Variants in RIMS2 observed in about 807,000 individuals in gnomAD.
RIMS2 encodes the protein regulating synaptic membrane exocytosis 2.
Under a neutral mutation model 174.4 loss-of-function variants are expected in RIMS2, and 59 were observed. The ratio of observed to expected loss-of-function variants is 0.34; its 90% confidence interval spans 0.27 to 0.42. RIMS2 has a LOEUF of 0.42. RIMS2 is among the 10% of genes least tolerant of loss of function. RIMS2 has a pLI of 1.00. For missense variants in RIMS2, 1,620 were observed against 1,666.3 expected (o/e 0.97, Z 0.48); for synonymous variants, 606 against 572.5 (o/e 1.06, Z -0.84).
intron 1 of RIMS2, among the ~76,000 whole-genome samples, chr8:103,660,544 G>A (rs1172066468): frequency 6.6e-6 from 1 of 152,126 alleles, no homozygotes; most frequent in African/African-American, 2.4e-5. Context: ...ATGAAATCAG[G>A]GGGCTGTATA....
At chr8:104,170,231 C>T (rs1433956314) in intron 19 of RIMS2, among the ~76,000 whole-genome samples, 1 of 151,840 alleles carries the variant, frequency 6.6e-6, no homozygotes, top group Non-Finnish European at 1.5e-5. Flanking sequence ...GTTGACTTTC[C>T]GTCTTGAGGA....
chr8:103,856,500 G>A (rs946162731), intron 3 of RIMS2, among the ~76,000 whole-genome samples: 2 of 152,196 alleles, frequency 1.3e-5, no homozygotes, highest in Admixed American at 1.3e-4. Context: ...AAGCTGTCTT[G>A]TCTGCTACAC....
chr8:103,845,935 A>G (rs188151419), intron 3 of RIMS2, among the ~76,000 whole-genome samples: 7 of 152,304 alleles, frequency 4.6e-5, no homozygotes, highest in African/African-American at 7.2e-5. Flanking sequence ...AAGGATCTCT[A>G]TTCTTGAAGA....
chr8:103,770,771 A>C (rs912362925), intron 3 of RIMS2, among the ~76,000 whole-genome samples: 12 of 151,836 alleles, frequency 7.9e-5, no homozygotes, highest in Non-Finnish European at 7.4e-5. Flanking sequence ...GCCAGCTTCT[A>C]TCCTTCTCTT....
At chr8:103,639,922 A>C (rs1314004654) in intron 1 of RIMS2, among the ~76,000 whole-genome samples, 3 of 151,944 alleles carry the variant, frequency 2.0e-5, no homozygotes, top group Non-Finnish European at 4.4e-5. Context: ...TATAGATCAA[A>C]TCATAAGAAC....
intron 1 of RIMS2, among the ~76,000 whole-genome samples, chr8:103,579,466 G>A (rs992380644): frequency 6.6e-6 from 1 of 152,190 alleles, no homozygotes; most frequent in Non-Finnish European, 1.5e-5. Context: ...TTAGTATGAA[G>A]CTCAAAAGAC....
intron 1 of RIMS2, among the ~76,000 whole-genome samples, chr8:103,524,939 A>G (rs1833277911): frequency 6.6e-6 from 1 of 152,154 alleles, no homozygotes; most frequent in Non-Finnish European, 1.5e-5. Flanking sequence ...AAAATGATCT[A>G]CCTTCTTCTG....
intron 3 of RIMS2, among the ~76,000 whole-genome samples, chr8:103,873,190 C>A (rs765403863): frequency 2.0e-5 from 3 of 152,096 alleles, no homozygotes; most frequent in Non-Finnish European, 4.4e-5. Flanking sequence ...TTCCTCCTAT[C>A]CCTCTTCTAT....
At chr8:103,683,586 A>G (rs939805881) in intron 1 of RIMS2, among the ~76,000 whole-genome samples, 3 of 152,168 alleles carry the variant, frequency 2.0e-5, no homozygotes, top group Non-Finnish European at 4.4e-5. Flanking sequence ...AACTGAAACA[A>G]TATTGCTCTT....
chr8:103,992,484 A>G (rs981862024), intron 17 of RIMS2, among the ~76,000 whole-genome samples: 1 of 151,806 alleles, frequency 6.6e-6, no homozygotes, highest in African/African-American at 2.4e-5. Flanking sequence ...GAATGAATGT[A>G]GGGCATGAAT....
At chr8:103,768,291 A>T (rs1002562719) in intron 3 of RIMS2, 1 of 612,468 alleles carries the variant, frequency 1.6e-6, no homozygotes, top group Admixed American at 2.3e-5. Flanking sequence ...ATGAAGCTGG[A>T]CATCTCTTTC....
intron 19 of RIMS2, among the ~76,000 whole-genome samples, chr8:104,030,657 T>A (rs1017728612): frequency 7.9e-5 from 12 of 152,188 alleles, no homozygotes; most frequent in African/African-American, 2.7e-4. Context: ...CATTTGCACA[T>A]GCTGCTCCTC....
At chr8:103,894,197 C>T (rs566651986) in intron 4 of RIMS2, among the ~76,000 whole-genome samples, 18 of 150,856 alleles carry the variant, frequency 1.2e-4, no homozygotes, top group South Asian at 8.3e-4. Flanking sequence ...GTTATTTCAA[C>T]AATTAATGTT....
chr8:104,008,091 C>T (rs1394977246), intron 17 of RIMS2, among the ~76,000 whole-genome samples: 2 of 152,070 alleles, frequency 1.3e-5, no homozygotes, highest in Non-Finnish European at 2.9e-5. Flanking sequence ...AATAGCAATT[C>T]ATAATTATAT....
At chr8:104,209,186 A>G (rs1373022931) in intron 19 of RIMS2, among the ~76,000 whole-genome samples, 2 of 152,228 alleles carry the variant, frequency 1.3e-5, no homozygotes, top group African/African-American at 2.4e-5. Flanking sequence ...TAATCAAAAT[A>G]TAGCAGGCAG....
chr8:104,023,827 T>G (rs1052433121), intron 19 of RIMS2, among the ~76,000 whole-genome samples: 2 of 152,066 alleles, frequency 1.3e-5, no homozygotes, highest in African/African-American at 4.8e-5. Flanking sequence ...GTCCAAGAAG[T>G]GTAAACTGGA....
At chr8:103,674,141 C>G (rs2096779640) in intron 1 of RIMS2, among the ~76,000 whole-genome samples, 1 of 152,182 alleles carries the variant, frequency 6.6e-6, no homozygotes, top group Non-Finnish European at 1.5e-5. Context: ...CATCTGAGAC[C>G]TTGCCAACCT....
At chr8:103,688,354 T>C (rs1234897719) in intron 1 of RIMS2, among the ~76,000 whole-genome samples, 1 of 152,114 alleles carries the variant, frequency 6.6e-6, no homozygotes, top group Non-Finnish European at 1.5e-5. Context: ...AAAATGATCA[T>C]ACAGTTTGTG....
At position 103,975,390 on chromosome 8, in the gene RIMS2, A is replaced by T. The variant is rs199696831; in HGVS notation, c.2811A>T (p.Leu937Phe). 6.8e-5 allele frequency: 109 copies of T among 1,613,046 alleles called. No individual in the cohort carries two copies. The highest frequency in any genetic ancestry group is 4.9e-4 in the Middle Eastern group (3 of 6,080). Reference sequence around the variant, plus strand: ...GTCGAGATCTTCAAAGCTCAACATTATCAGTGCCAGAACAAGTAATGTCAT... The same window carrying T: ...GTCGAGATCTTCAAAGCTCAACATTTTCAGTGCCAGAACAAGTAATGTCAT... The change falls in exon 16 of 24, where the codon TTA becomes TTT. Residue 937 changes from leucine (L) to phenylalanine (F), a missense_variant. Leu to Phe is a conservative substitution (Grantham distance 22). Around this residue, in one of 2 missense-constraint regions of RIMS2, gnomAD observed 1,395 missense variants for 1,360.1 expected, o/e 1.03. Transcript: ENST00000504942.
Sources: allele counts gnomAD v4.1 joint callset (sites outside exome capture counted in the v4.1 genomes callset), GRCh38; gene constraint gnomAD v4.1.1; regional missense constraint gnomAD v4.1.1; transcripts MANE v1.5; gene names NCBI Gene and HGNC (gene_info 2026-07-23, HGNC 2026-07-21).